Variants in PPP3CA observed in about 807,000 individuals in gnomAD.
PPP3CA encodes protein phosphatase 3 catalytic subunit alpha.
A neutral mutation model predicts 66.5 loss-of-function variants in PPP3CA; 14 were observed. The ratio of observed to expected loss-of-function variants is 0.21; its 90% CI spans 0.14 to 0.33. PPP3CA has a LOEUF of 0.33. Ranked by LOEUF, PPP3CA falls within the 10% of genes least tolerant of loss-of-function variation. PPP3CA has a pLI of 1.00. For synonymous variants in PPP3CA, 232 were observed against 226.2 expected (o/e 1.03, Z -0.23); for missense variants, 317 against 639.5 (o/e 0.50, Z 5.44).
intron 1 of PPP3CA, among the ~76,000 whole-genome samples, chr4:101,198,773 A>G (rs1489518370): frequency 1.3e-5 from 2 of 152,168 alleles, no homozygotes; most frequent in Non-Finnish European, 2.9e-5. Flanking sequence ...CACTGCAATA[A>G]CAGATGCTCC....
chr4:101,245,399 T>A (rs910059281), intron 1 of PPP3CA, among the ~76,000 whole-genome samples: 1 of 152,206 alleles, frequency 6.6e-6, no homozygotes, highest in Non-Finnish European at 1.5e-5. Flanking sequence ...AAACAAGAAT[T>A]GAATTCAGTC....
rs1396231723 is a variant in PPP3CA at position 101,346,879 on chromosome 4, G to T, written c.-83C>A. ...CGGACCGGCGGGCCAGACACTCAAC[G>T]CCGCCGCCGCCGCCGCCGCCGCCGC... On this transcript the variant is annotated 5_prime_UTR_variant, in exon 1 of 14. Coordinates refer to ENST00000394854, the MANE Select transcript of PPP3CA (RefSeq NM_000944.5). 31 of 1,112,362 alleles carry T rather than the reference G, an allele frequency of 2.8e-5. No individual in the cohort carries two copies. The highest frequency in any genetic ancestry group is 7.2e-5 in the Admixed American group (3 of 41,540). The allele number at this position is 1,112,362 out of a possible 1,614,324, so 68.9% of individuals were successfully genotyped here.
At chr4:101,314,556 T>G (rs1578657666) in intron 1 of PPP3CA, among the ~76,000 whole-genome samples, 1 of 98,464 alleles carries the variant, frequency 1.0e-5, no homozygotes, top group Non-Finnish European at 1.8e-5. Flanking sequence ...AGAGCAAGAC[T>G]CCATCTCAAA....
chr4:101,067,828 A>AATG (rs1213202744), intron 8 of PPP3CA, among the ~76,000 whole-genome samples: 2 of 150,386 alleles, frequency 1.3e-5, no homozygotes, highest in African/African-American at 2.4e-5. Context: ...TAATAATAAT[A>AATG]ATAATAATAA....
At position 101,040,578 on chromosome 4, in the gene PPP3CA, AAC is replaced by A. The variant is rs780952591; in HGVS notation, c.1157-14_1157-13del. The A allele has an allele frequency of 1.9e-6, 3 of 1,604,800 alleles. No individual in the cohort carries two copies. Among genetic ancestry groups the A allele is most frequent in the Non-Finnish European group, 2.6e-6 (3 of 1,174,018 alleles). ...TGCAGCTGTTGCACCTGTATTTTCA[AAC>A]AGAGTTCAGTGGTCAGTAATTTTTT... On this transcript the variant is annotated splice_polypyrimidine_tract_variant and intron_variant, in intron 10 of 13. Transcript: ENST00000394854.
intron 2 of PPP3CA, among the ~76,000 whole-genome samples, chr4:101,167,840 C>T (rs1723741726): frequency 1.3e-5 from 2 of 152,000 alleles, no homozygotes; most frequent in Non-Finnish European, 2.9e-5. Flanking sequence ...GCCAGAGGGG[C>T]TGAGGTGAAT....
intron 10 of PPP3CA, among the ~76,000 whole-genome samples, chr4:101,050,674 A>T (rs1727969727): frequency 6.6e-6 from 1 of 152,210 alleles, no homozygotes; most frequent in Non-Finnish European, 1.5e-5. Context: ...GATTCATTAC[A>T]GTACCAGCTG....
In PPP3CA at chr4:101,253,662, T is replaced by G. The variant is rs568182085; in HGVS notation, c.59-57546A>C. ...TCTCTGTAGACTTTAAATTTTGTGT[T>G]TACAGATTATCTGATTAAATTAACA... is the stretch of plus-strand genomic sequence containing the variant. On this transcript the variant is annotated intron_variant, in intron 1 of 13. Coordinates refer to ENST00000394854, the MANE Select transcript of PPP3CA (RefSeq NM_000944.5). 3.9e-5 allele frequency among the ~76,000 whole-genome samples: 6 copies of G among 152,260 alleles called. No homozygotes were observed. In the South Asian group the frequency reaches 1.2e-3, roughly 32 times the overall value.
chr4:101,339,401 G>C (rs1252601542), intron 1 of PPP3CA, among the ~76,000 whole-genome samples: 1 of 152,168 alleles, frequency 6.6e-6, no homozygotes, highest in African/African-American at 2.4e-5. Flanking sequence ...CTGAAAGACA[G>C]CTGTCAGGTT....
intron 2 of PPP3CA, among the ~76,000 whole-genome samples, chr4:101,162,904 C>A (rs1423901099): frequency 6.6e-6 from 1 of 152,174 alleles, no homozygotes; most frequent in African/African-American, 2.4e-5. Context: ...TCTCTCTGAG[C>A]TATAGGAGCT....
chr4:101,154,704 T>C (rs1034737542), intron 2 of PPP3CA, among the ~76,000 whole-genome samples: 6 of 152,126 alleles, frequency 3.9e-5, no homozygotes, highest in Non-Finnish European at 1.5e-5. Context: ...ACTACTCAAG[T>C]ACTTCCATTT....
intron 10 of PPP3CA, among the ~76,000 whole-genome samples, chr4:101,049,955 G>A (rs887875203): frequency 2.6e-5 from 4 of 151,984 alleles, no homozygotes; most frequent in Non-Finnish European, 5.9e-5. Context: ...TCATTCAAAG[G>A]TCTTTTGCTA....
Position 101,347,315 on chromosome 4 carries a change from G to GGCCGCCGCTGCT in PPP3CA, c.-531_-520dup, listed in dbSNP as rs1476020006. On this transcript the variant is annotated 5_prime_UTR_variant, in exon 1 of 14. Transcript: ENST00000394854. ...TTGGCGTCCCCGGCGGCGGAGAGGC[G>GGCCGCCGCTGCT]GCCGCCGCTGCTGCCGCTGCTGCTG... is the stretch of plus-strand genomic sequence containing the variant. The GGCCGCCGCTGCT allele has an allele frequency of 1.0e-5, 2 of 200,428 alleles. No homozygotes were observed. The highest frequency in any genetic ancestry group is 4.9e-5 in the African/African-American group (2 of 40,686). The allele number at this position is 200,428 out of a possible 1,614,324, so 12.4% of individuals were successfully genotyped here.
At chr4:101,210,818 A>G (rs551362189) in intron 1 of PPP3CA, among the ~76,000 whole-genome samples, 1 of 152,304 alleles carries the variant, frequency 6.6e-6, no homozygotes, top group South Asian at 2.1e-4. Flanking sequence ...CCTACAAATC[A>G]TTAGACAAGT....
intron 1 of PPP3CA, among the ~76,000 whole-genome samples, chr4:101,320,491 TATACACACACACACACACAC>T (rs1729008426): frequency 9.0e-6 from 1 of 111,286 alleles, no homozygotes; most frequent in African/African-American, 5.6e-5. Flanking sequence ...TGTGTGTGTG[TATACACACACACACACACAC>T]ATACACAGAC....
At chr4:101,265,244 G>C (rs1047434659) in intron 1 of PPP3CA, among the ~76,000 whole-genome samples, 5 of 152,074 alleles carry the variant, frequency 3.3e-5, no homozygotes, top group African/African-American at 1.2e-4. Context: ...AGCCTCCTGA[G>C]TAGCTGGGAG....
At chr4:101,089,973 T>C (rs1348150998) in intron 6 of PPP3CA, among the ~76,000 whole-genome samples, 3 of 152,188 alleles carry the variant, frequency 2.0e-5, no homozygotes. Flanking sequence ...TAGGCTGGCA[T>C]AGCAAAGTAA....
At chr4:101,325,896 G>A (rs1201108555) in intron 1 of PPP3CA, among the ~76,000 whole-genome samples, 1 of 152,126 alleles carries the variant, frequency 6.6e-6, no homozygotes, top group Non-Finnish European at 1.5e-5. Context: ...CTAGCACTTT[G>A]GGGGGCTGAG....
intron 2 of PPP3CA, among the ~76,000 whole-genome samples, chr4:101,133,620 C>A (rs987801798): frequency 3.3e-5 from 5 of 152,116 alleles, no homozygotes; most frequent in Non-Finnish European, 7.4e-5. Flanking sequence ...AAAAACATTC[C>A]ATGCTCATGG....
Sources: allele counts gnomAD v4.1 joint callset (sites outside exome capture counted in the v4.1 genomes callset), GRCh38; gene constraint gnomAD v4.1.1; transcripts MANE v1.5; gene names NCBI Gene and HGNC (gene_info 2026-07-23, HGNC 2026-07-21).